Variants in AJAP1 observed in about 807,000 individuals in gnomAD.
AJAP1 encodes the protein adherens junction-associated protein 1.
AJAP1 carries 5 observed loss-of-function variants against 35.0 expected under a neutral mutation model. The ratio of observed to expected loss-of-function variants is 0.14; its 90% confidence interval spans 0.07 to 0.30. The LOEUF is 0.30. AJAP1 is among the 10% of genes least tolerant of loss of function. AJAP1 has a pLI of 1.00. For synonymous variants in AJAP1, 284 were observed against 249.3 expected (o/e 1.14, Z -1.31); for missense variants, 586 against 571.0 (o/e 1.03, Z -0.27).
chr1:4,741,851 G>T (rs1641075135), intron 2 of AJAP1, among the ~76,000 whole-genome samples: 1 of 152,190 alleles, frequency 6.6e-6, no homozygotes, highest in Non-Finnish European at 1.5e-5. Flanking sequence ...AGTACTCACG[G>T]AATGATGGGC....
chr1:4,725,051 G>A (rs539817236), intron 2 of AJAP1, among the ~76,000 whole-genome samples: 2 of 152,314 alleles, frequency 1.3e-5, no homozygotes, highest in Admixed American at 6.5e-5. Flanking sequence ...TGCCCAGAGC[G>A]AGCAATGAAA....
At chr1:4,778,952 C>T (rs555047004) in intron 5 of AJAP1, among the ~76,000 whole-genome samples, 1 of 152,312 alleles carries the variant, frequency 6.6e-6, no homozygotes, top group East Asian at 1.9e-4. Flanking sequence ...CCTGCATGAA[C>T]CAGTGGTGAA....
intron 1 of AJAP1, among the ~76,000 whole-genome samples, chr1:4,682,561 G>A (rs1639506343): frequency 6.6e-6 from 1 of 152,172 alleles, no homozygotes; most frequent in South Asian, 2.1e-4. Flanking sequence ...TTTCCTGAGT[G>A]GTGATCTCTA....
intron 1 of AJAP1, among the ~76,000 whole-genome samples, chr1:4,707,229 C>T (rs1640120977): frequency 6.6e-6 from 1 of 152,184 alleles, no homozygotes; most frequent in African/African-American, 2.4e-5. Flanking sequence ...CACATTGTCC[C>T]CACAACCCTT....
intron 5 of AJAP1, among the ~76,000 whole-genome samples, chr1:4,780,262 C>T (rs879849083): frequency 2.6e-5 from 4 of 151,972 alleles, no homozygotes; most frequent in East Asian, 1.9e-4. Flanking sequence ...TCCGTCACCC[C>T]GTATTAAAAC....
intron 2 of AJAP1, among the ~76,000 whole-genome samples, chr1:4,758,334 C>T (rs889361719): frequency 1.3e-5 from 2 of 152,112 alleles, no homozygotes; most frequent in Non-Finnish European, 2.9e-5. Flanking sequence ...TTAGTCCATT[C>T]TCACACTGCT....
At chr1:4,730,240 A>T (rs906658670) in intron 2 of AJAP1, among the ~76,000 whole-genome samples, 1 of 152,206 alleles carries the variant, frequency 6.6e-6, no homozygotes, top group Non-Finnish European at 1.5e-5. Context: ...CAGGGAGCAA[A>T]CAAGCTTGCT....
In AJAP1 at chr1:4,785,528, G is replaced by T. The variant is rs763842955; in HGVS notation, c.*3043G>T. 6.6e-6 allele frequency: 1 copy of T among 152,100 alleles called. No homozygotes were observed. The highest frequency in any genetic ancestry group is 2.4e-5 in the African/African-American group (1 of 41,390). The allele number at this position is 152,100 out of a possible 1,614,324, so 9.4% of individuals were successfully genotyped here. Reference sequence around the variant, plus strand: ...GCCTCGGAAATGCAGCCCCACCCACGGTGAAGTCTGCACCAGAGCACAGAC... The same window carrying T: ...GCCTCGGAAATGCAGCCCCACCCACTGTGAAGTCTGCACCAGAGCACAGAC... On this transcript the variant is annotated 3_prime_UTR_variant, in exon 6 of 6. Coordinates refer to ENST00000378191, the MANE Select transcript of AJAP1 (RefSeq NM_018836.4).
At chr1:4,721,915 T>C (rs1640525312) in intron 2 of AJAP1, among the ~76,000 whole-genome samples, 1 of 152,210 alleles carries the variant, frequency 6.6e-6, no homozygotes, top group Non-Finnish European at 1.5e-5. Flanking sequence ...TAAAACGCTG[T>C]ATTTGTACAT....
rs1463510348 is a variant in AJAP1, at chr1:4,785,259, T to C, written c.*2774T>C. On this transcript the variant is annotated 3_prime_UTR_variant, in exon 6 of 6. Coordinates refer to ENST00000378191, the MANE Select transcript of AJAP1 (RefSeq NM_018836.4). ...GAGCCACAGATTCAAGGCAGGGCTG[T>C]GAGACCCACACAGGCACAAACACCA... is the stretch of plus-strand genomic sequence containing the variant. 6.6e-6 allele frequency: 1 copy of C among 152,168 alleles called. No homozygotes were observed. Among genetic ancestry groups the C allele is most frequent in the Non-Finnish European group, 1.5e-5 (1 of 68,076 alleles). The allele number at this position is 152,168 out of a possible 1,614,324, so 9.4% of individuals were successfully genotyped here.
chr1:4,757,867 C>A (rs909270323), intron 2 of AJAP1, among the ~76,000 whole-genome samples: 2 of 152,150 alleles, frequency 1.3e-5, no homozygotes, highest in Admixed American at 1.3e-4. Context: ...TATGCTTTTG[C>A]TGTGTCCCCA....
intron 4 of AJAP1, among the ~76,000 whole-genome samples, 159 bp downstream of exon 4, chr1:4,772,684 C>T (rs767555747): frequency 6.6e-6 from 1 of 152,170 alleles, no homozygotes; most frequent in Non-Finnish European, 1.5e-5. Flanking sequence ...TTTGGCAAAA[C>T]GAAAGAGGCA....
rs1178384638 is a variant in AJAP1 at position 4,787,476 on chromosome 1, A to G, written c.*4991A>G. The G allele has an allele frequency of 6.7e-6, 2 of 300,206 alleles. No homozygotes were observed. The highest frequency in any genetic ancestry group is 4.5e-5 in the African/African-American group (2 of 44,254). The allele number at this position is 300,206 out of a possible 1,614,324, so 18.6% of individuals were successfully genotyped here. On this transcript the variant is annotated 3_prime_UTR_variant, in exon 6 of 6. Transcript: ENST00000378191. ...GGTTGGTCTGGTGTTGGATGGAGGA[A>G]GAAGGCCTTAGTCTTAGCTCTTGGA...
chr1:4,722,690 G>A (rs1640549818), intron 2 of AJAP1, among the ~76,000 whole-genome samples: 1 of 152,234 alleles, frequency 6.6e-6, no homozygotes. Context: ...GGCTCCAGGT[G>A]CTCCTTGGCT....
chr1:4,765,295 G>A (rs35638782), intron 2 of AJAP1, among the ~76,000 whole-genome samples: 2,341 of 152,310 alleles, frequency 0.015, 51 homozygotes, highest in African/African-American at 0.052. Flanking sequence ...CATAGAGAGT[G>A]TGCTCCCTTT....
intron 1 of AJAP1, among the ~76,000 whole-genome samples, chr1:4,662,279 C>T (rs1639016251): frequency 6.6e-6 from 1 of 152,262 alleles, no homozygotes; most frequent in Admixed American, 6.5e-5. Flanking sequence ...ACGACCACTC[C>T]TCTGATTTGG....
At chr1:4,707,963 G>GTT (rs774086340) in intron 1 of AJAP1, among the ~76,000 whole-genome samples, 2,403 of 126,116 alleles carry the variant, frequency 0.019, 74 homozygotes, top group South Asian at 0.14. Context: ...TGGGCGGTAC[G>GTT]TTTTTTTTTT....
chr1:4,777,048 A>G (rs1212561273), intron 5 of AJAP1, among the ~76,000 whole-genome samples: 1 of 152,182 alleles, frequency 6.6e-6, no homozygotes, highest in Non-Finnish European at 1.5e-5. Flanking sequence ...TCTGTTGCCG[A>G]TTGCGGGACA....
chr1:4,686,999 C>T (rs1159691839), intron 1 of AJAP1, among the ~76,000 whole-genome samples: 2 of 152,216 alleles, frequency 1.3e-5, no homozygotes, highest in African/African-American at 4.8e-5. Context: ...ACCAGGGCTG[C>T]CTCTGCCAGC....
Sources: gnomAD v4.1 joint callset for allele counts (sites outside exome capture counted in the v4.1 genomes callset) on GRCh38, gnomAD v4.1.1 for gene constraint, MANE v1.5 for transcripts, NCBI Gene and HGNC (gene_info 2026-07-23, HGNC 2026-07-21) for gene names.